Variants in UGT2A1 observed in about 807,000 individuals in gnomAD.
UGT2A1 encodes UDP-glucuronosyltransferase 2A1.
Under a neutral mutation model 45.4 loss-of-function variants are expected in UGT2A1, and 61 were observed. That is an observed-to-expected ratio of 1.34 (90% confidence interval 1.09 to 1.66). The LOEUF (loss-of-function observed/expected upper bound fraction) is 1.66. UGT2A1 is among the 40% of genes most tolerant of loss of function. The pLI is 0.00. For synonymous variants in UGT2A1, 229 were observed against 196.2 expected (o/e 1.17, Z -1.40); for missense variants, 649 against 574.3 (o/e 1.13, Z -1.33).
At chr4:69,596,329 G>T in intron 4 of UGT2A1, 1 of 1,607,690 alleles carries the variant, frequency 6.2e-7, no homozygotes, top group Non-Finnish European at 8.5e-7. Flanking sequence ...TGATCCCAGA[G>T]AAAACACCAC....
intron 3 of UGT2A1, among the ~76,000 whole-genome samples, chr4:69,609,794 C>T (rs952153605): frequency 1.3e-5 from 2 of 152,134 alleles, no homozygotes; most frequent in Admixed American, 6.6e-5. Flanking sequence ...ATGTTCACTG[C>T]ATTCCACAAA....
chr4:69,647,476 C>G lies in UGT2A1; in HGVS notation c.169G>C (p.Gly57Arg). 2 of 1,612,936 alleles carry G rather than the reference C, an allele frequency of 1.2e-6. No homozygotes were observed. Among genetic ancestry groups the G allele is most frequent in the South Asian group, 1.1e-5 (1 of 90,994 alleles). The change falls in exon 2 of 7, where the codon GGT becomes CGT. Residue 57 changes from glycine to arginine, a missense_variant. Physicochemically the swap from Gly to Arg is moderately radical, Grantham distance 125. Transcript: ENST00000286604. Reference protein sequence around the residue: ...EHNVTVLVASGALFITPTSNP... With the variant: ...EHNVTVLVASRALFITPTSNP... ...GAGGTTGGTGTGATGAAAAGTGCAC[C>G]AGAGGCAACTAGGACAGTCACATTA...
chr4:69,606,117 C>CAA (rs200344288), intron 3 of UGT2A1, among the ~76,000 whole-genome samples: 1 of 133,998 alleles, frequency 7.5e-6, no homozygotes, highest in Non-Finnish European at 1.6e-5. Context: ...AGAGACACAA[C>CAA]AAAAAAAGAG....
At chr4:69,590,414 T>G (rs1192564124) in intron 6 of UGT2A1, among the ~76,000 whole-genome samples, 1 of 152,242 alleles carries the variant, frequency 6.6e-6, no homozygotes, top group Non-Finnish European at 1.5e-5. Flanking sequence ...CACTTGCAGT[T>G]TCCCTAGTTG....
At chr4:69,621,653 A>T (rs1720764112) in intron 3 of UGT2A1, among the ~76,000 whole-genome samples, 1 of 151,966 alleles carries the variant, frequency 6.6e-6, no homozygotes. Flanking sequence ...ATTCCTGGGT[A>T]TACACCGAAA....
intron 2 of UGT2A1, among the ~76,000 whole-genome samples, chr4:69,643,014 T>A (rs896883610): frequency 6.6e-6 from 1 of 151,458 alleles, no homozygotes; most frequent in African/African-American, 2.4e-5. Context: ...AATTCAAAAA[T>A]TTTTTGAAGG....
At chr4:69,592,844 AT>A (rs1401168740) in intron 6 of UGT2A1, among the ~76,000 whole-genome samples, 1 of 152,088 alleles carries the variant, frequency 6.6e-6, no homozygotes, top group African/African-American at 2.4e-5. Context: ...AAACTGGATA[AT>A]TTTTTATCTT....
At chr4:69,610,578 T>C (rs536808965) in intron 3 of UGT2A1, among the ~76,000 whole-genome samples, 1 of 152,268 alleles carries the variant, frequency 6.6e-6, no homozygotes, top group African/African-American at 2.4e-5. Flanking sequence ...CCCCTAAAAT[T>C]TGTATATGAA....
chr4:69,645,520 G>T (rs1219665870), intron 2 of UGT2A1, among the ~76,000 whole-genome samples: 9 of 151,674 alleles, frequency 5.9e-5, no homozygotes, highest in Non-Finnish European at 1.2e-4. Flanking sequence ...CAATTGTGTT[G>T]CTAGGTAGTC....
chr4:69,589,352 T>C lies in UGT2A1; in HGVS notation c.*20A>G, dbSNP rs751377081. On this transcript the variant is annotated 3_prime_UTR_variant, in exon 7 of 7. Transcript: ENST00000286604. ...ATTTTGCCAAACTTAAAAATATATA[T>C]ATTTCCTCTTTTTCTTGACCTATTC... 1.3e-6 allele frequency: 2 copies of C among 1,590,424 alleles called. No homozygotes were observed. Among genetic ancestry groups the C allele is most frequent in the Admixed American group, 1.8e-5 (1 of 56,178 alleles).
chr4:69,597,021 A>C (rs1021546454), intron 4 of UGT2A1, among the ~76,000 whole-genome samples: 1 of 152,186 alleles, frequency 6.6e-6, no homozygotes, highest in Admixed American at 6.5e-5. Flanking sequence ...CAAACTCATA[A>C]AAACAGTTTT....
intron 1 of UGT2A1, among the ~76,000 whole-genome samples, chr4:69,650,683 C>T (rs189045140): frequency 9.9e-5 from 15 of 152,012 alleles, no homozygotes; most frequent in Non-Finnish European, 1.2e-4. Flanking sequence ...ATTTATTAAG[C>T]AACAAGTATA....
chr4:69,639,265 T>A (rs764117718), intron 2 of UGT2A1: 2 of 1,613,698 alleles, frequency 1.2e-6, no homozygotes, highest in Admixed American at 1.7e-5. Flanking sequence ...TGAAAGAAAG[T>A]GTCTAGAAGT....
intron 4 of UGT2A1, chr4:69,596,287 T>C: frequency 1.9e-6 from 3 of 1,608,190 alleles, no homozygotes; most frequent in Non-Finnish European, 2.6e-6. Flanking sequence ...GGCAATAAGA[T>C]TGGCCTTTTC....
At chr4:69,640,841 A>G (rs996708017) in intron 2 of UGT2A1, among the ~76,000 whole-genome samples, 8 of 151,856 alleles carry the variant, frequency 5.3e-5, no homozygotes, top group African/African-American at 1.9e-4. Context: ...TTAAAAATTA[A>G]TTAGATTTTT....
chr4:69,592,356 A>G (rs779033567), intron 6 of UGT2A1, among the ~76,000 whole-genome samples: 13 of 152,226 alleles, frequency 8.5e-5, no homozygotes, highest in Non-Finnish European at 5.9e-5. Flanking sequence ...GAGAAAAAAT[A>G]ACAGCCTGAT....
intron 5 of UGT2A1, 107 bp downstream of exon 5, chr4:69,595,055 A>T: frequency 1.4e-6 from 2 of 1,426,568 alleles, no homozygotes; most frequent in Non-Finnish European, 1.9e-6. Context: ...TTGAGTGTCA[A>T]ATAACATTTT....
rs1719401626 is a variant in UGT2A1 at position 69,603,236 on chromosome 4, A to G, written c.848-3842T>C. Among the ~76,000 whole-genome samples, 2 of 136,866 alleles carry G rather than the reference A, an allele frequency of 1.5e-5. 1 individual carries two copies. Among genetic ancestry groups the G allele is most frequent in the Admixed American group, 1.4e-4 (2 of 13,894 alleles). 89.8% of individuals were successfully genotyped at this position (136,866 alleles called of 152,430 possible). On this transcript the variant is annotated intron_variant, in intron 3 of 6. Transcript: ENST00000286604. ...GGAACTCCAGATGAAGAGATACAAG[A>G]GGAAGGAATATTATTTTACCAGATA...
intron 3 of UGT2A1, among the ~76,000 whole-genome samples, chr4:69,621,648 T>A (rs1720763586): frequency 6.6e-6 from 1 of 151,936 alleles, no homozygotes. Context: ...ATCCCATTCC[T>A]GGGTATACAC....
Sources: gnomAD v4.1 joint callset for allele counts (sites outside exome capture counted in the v4.1 genomes callset) on GRCh38, gnomAD v4.1.1 for gene constraint, MANE v1.5 for transcripts, NCBI Gene and HGNC (gene_info 2026-07-23, HGNC 2026-07-21) for gene names.